The following TMIGD3 variants were observed in gnomAD, a reference collection of about 807,000 sequenced individuals.
The protein encoded by TMIGD3 is transmembrane and immunoglobulin domain containing 3.
A neutral mutation model predicts 28.1 loss-of-function variants in TMIGD3; 21 were observed. The observed-to-expected ratio is 0.75, with a 90% CI of 0.53 to 1.08. The LOEUF is 1.08. TMIGD3 is among the 50% of genes least tolerant of loss of function. The pLI, the probability that TMIGD3 is intolerant of heterozygous loss-of-function variation, is 0.00. For synonymous variants in TMIGD3, 151 were observed against 162.1 expected (o/e 0.93, Z 0.52); for missense variants, 416 against 435.6 (o/e 0.96, Z 0.40).
chr1:111,535,642 T>C (rs1656614437), intron 1 of TMIGD3, among the ~76,000 whole-genome samples: 1 of 152,344 alleles, frequency 6.6e-6, no homozygotes, highest in East Asian at 1.9e-4. Flanking sequence ...ATTCACATAT[T>C]GCTCAGCAAT....
intron 1 of TMIGD3, among the ~76,000 whole-genome samples, chr1:111,536,661 A>G (rs776424699): frequency 2.0e-5 from 3 of 152,102 alleles, no homozygotes; most frequent in Non-Finnish European, 2.9e-5. Flanking sequence ...TTTATGTTCA[A>G]ATCCTTAGAG....
At chr1:111,551,951 A>G (rs1416542685) in intron 1 of TMIGD3, among the ~76,000 whole-genome samples, 3 of 152,236 alleles carry the variant, frequency 2.0e-5, no homozygotes, top group Admixed American at 2.0e-4. Flanking sequence ...CTCGGCATGC[A>G]CCTGGCCTTC....
chr1:111,555,866 G>C (rs1295638527), intron 1 of TMIGD3, among the ~76,000 whole-genome samples: 1 of 151,914 alleles, frequency 6.6e-6, no homozygotes, highest in Non-Finnish European at 1.5e-5. Flanking sequence ...ACGATTTCTT[G>C]GATATGACAC....
chr1:111,486,214 AAC>A (rs1350039352), intron 4 of TMIGD3, among the ~76,000 whole-genome samples: 4 of 152,178 alleles, frequency 2.6e-5, no homozygotes, highest in African/African-American at 9.7e-5. Context: ...GAAGGAAGGA[AAC>A]ACACAGATTC....
intron 1 of TMIGD3, among the ~76,000 whole-genome samples, chr1:111,519,460 G>A (rs1655980068): frequency 6.6e-6 from 1 of 152,096 alleles, no homozygotes; most frequent in Non-Finnish European, 1.5e-5. Context: ...ATTTCCTTTT[G>A]GTTCCAGATT....
chr1:111,523,676 A>G (rs1318639751), intron 1 of TMIGD3, among the ~76,000 whole-genome samples: 1 of 152,074 alleles, frequency 6.6e-6, no homozygotes, highest in African/African-American at 2.4e-5. Flanking sequence ...AATTTAATTT[A>G]TTTAGCTTTG....
chr1:111,510,181 G>GAGCA (rs1412780154), intron 1 of TMIGD3, among the ~76,000 whole-genome samples: 1 of 152,140 alleles, frequency 6.6e-6, no homozygotes, highest in Non-Finnish European at 1.5e-5. Flanking sequence ...GGCCCATGGA[G>GAGCA]AGCAGCCAAC....
chr1:111,483,890 C>A (rs1360178680), intron 5 of TMIGD3, 133 bp from the exon 6 acceptor site: 5 of 692,982 alleles, frequency 7.2e-6, no homozygotes, highest in South Asian at 1.7e-5. Context: ...ATTTTCAGGG[C>A]TGAGATCAGA....
chr1:111,561,594 AAC>A (rs1219592624), intron 1 of TMIGD3, among the ~76,000 whole-genome samples: 4 of 152,196 alleles, frequency 2.6e-5, no homozygotes, highest in Admixed American at 2.0e-4. Flanking sequence ...GGTCAGGTCA[AAC>A]ACAGAGCAGA....
chr1:111,493,206 C>T (rs540486491), intron 1 of TMIGD3, among the ~76,000 whole-genome samples: 3 of 152,246 alleles, frequency 2.0e-5, no homozygotes, highest in South Asian at 4.1e-4. Flanking sequence ...ACCCTCCAAA[C>T]CTCATGCTGA....
At chr1:111,552,124 A>C (rs988726858) in intron 1 of TMIGD3, among the ~76,000 whole-genome samples, 1 of 152,186 alleles carries the variant, frequency 6.6e-6, no homozygotes, top group Non-Finnish European at 1.5e-5. Context: ...TCAACAAATG[A>C]CTCCAGATAG....
chr1:111,554,681 GTCT>G (rs1657407871), intron 1 of TMIGD3, among the ~76,000 whole-genome samples: 1 of 152,216 alleles, frequency 6.6e-6, no homozygotes, highest in Non-Finnish European at 1.5e-5. Context: ...AGGTCCAAAA[GTCT>G]TCTCTTGAGA....
chr1:111,499,353 C>G, intron 1 of TMIGD3: 1 of 922,904 alleles, frequency 1.1e-6, no homozygotes, highest in Non-Finnish European at 1.3e-6. Flanking sequence ...CTCCAAGTAG[C>G]AAGCAAGCTT....
upstream of TMIGD3, chr1:111,503,694 C>A (rs1006568275): frequency 2.8e-6 from 3 of 1,061,748 alleles, no homozygotes; most frequent in East Asian, 6.8e-5. Context: ...CCTCTGCCTG[C>A]AGCTTTTTGG....
At chr1:111,522,906 C>G (rs182394474) in intron 1 of TMIGD3, among the ~76,000 whole-genome samples, 1 of 152,286 alleles carries the variant, frequency 6.6e-6, no homozygotes, top group Admixed American at 6.5e-5. Flanking sequence ...GTAGGATTTT[C>G]TACACAGGCA....
intron 1 of TMIGD3, among the ~76,000 whole-genome samples, chr1:111,537,182 A>C (rs887068060): frequency 6.6e-6 from 1 of 152,164 alleles, no homozygotes; most frequent in African/African-American, 2.4e-5. Context: ...CTTCCCCACC[A>C]TTGGAGCAAT....
intron 1 of TMIGD3, among the ~76,000 whole-genome samples, chr1:111,560,022 C>T (rs140019483): frequency 2.0e-5 from 3 of 152,308 alleles, no homozygotes; most frequent in South Asian, 2.1e-4. Flanking sequence ...TAAAAATTGC[C>T]GCTCAGAGTA....
In TMIGD3 at chr1:111,503,166, C is replaced by T. The variant is rs1195972353; in HGVS notation, c.189G>A (p.Val63=). ...CAACAATGGCCAAAGGCATGACCAG[C>T]ACCCCAACAGCAATGTCAGCCAGGG... ...SLALADIAVG[V]LVMPLAIVVS... The change falls in exon 1 of 6, where the codon GTG becomes GTA. Residue 63 remains valine (V), a synonymous_variant. Transcript: ENST00000369716. 5 of 1,614,244 alleles carry T rather than the reference C, an allele frequency of 3.1e-6. No individual in the cohort carries two copies. The highest frequency in any genetic ancestry group is 2.2e-5 in the East Asian group (1 of 44,888).
At chr1:111,487,873 G>A (rs1361989448) in intron 3 of TMIGD3, among the ~76,000 whole-genome samples, 7 of 151,982 alleles carry the variant, frequency 4.6e-5, no homozygotes, top group South Asian at 2.1e-4. Context: ...GTGCAATCAC[G>A]GCTCACTGCA....
Sources: allele counts gnomAD v4.1 joint callset (sites outside exome capture counted in the v4.1 genomes callset), GRCh38; gene constraint gnomAD v4.1.1; transcripts MANE v1.5; gene names NCBI Gene and HGNC (gene_info 2026-07-23, HGNC 2026-07-21).